MAGI2: variants seen among roughly 807,000 people sequenced by gnomAD.
MAGI2 encodes the protein membrane associated guanylate kinase, WW and PDZ domain containing 2, also known as membrane-associated guanylate kinase, WW and PDZ domain-containing protein 2.
In MAGI2, 35 loss-of-function variants were observed where a neutral mutation model predicts 133.3. The observed-to-expected ratio is 0.26, with a 90% CI of 0.20 to 0.35. The LOEUF is 0.35. Among genes scored for constraint, MAGI2 ranks in the 10% least tolerant of loss-of-function variants. The probability of loss-of-function intolerance (pLI) is 1.00; values close to 1 mark genes in which losing one functional copy is unlikely to be tolerated. For synonymous variants in MAGI2, 729 were observed against 710.6 expected (o/e 1.03, Z -0.41); for missense variants, 1,636 against 1,863.4 (o/e 0.88, Z 2.25).
chr7:78,816,248 A>G (rs933957685), intron 2 of MAGI2, among the ~76,000 whole-genome samples: 2 of 152,184 alleles, frequency 1.3e-5, no homozygotes, highest in Admixed American at 6.5e-5. Context: ...AAGTTGCAGA[A>G]AAGTGTGAAG....
intron 1 of MAGI2, among the ~76,000 whole-genome samples, chr7:79,376,806 AAG>A (rs1843410517): frequency 6.9e-6 from 1 of 145,684 alleles, no homozygotes. Context: ...AACCACAGAT[AAG>A]AGAGGATTTG....
At chr7:78,860,613 C>T (rs1794076485) in intron 2 of MAGI2, among the ~76,000 whole-genome samples, 1 of 152,152 alleles carries the variant, frequency 6.6e-6, no homozygotes, top group Non-Finnish European at 1.5e-5. Flanking sequence ...GAAGCTTCGT[C>T]TCAGAGGGGC....
At chr7:78,877,145 A>G (rs1014962670) in intron 2 of MAGI2, among the ~76,000 whole-genome samples, 3 of 152,208 alleles carry the variant, frequency 2.0e-5, no homozygotes, top group Non-Finnish European at 4.4e-5. Context: ...TCACCTTAGA[A>G]TACACACTTT....
Position 78,125,645 on chromosome 7 carries a change from G to A in MAGI2, c.3567+49C>T, listed in dbSNP as rs372143076. The A allele has an allele frequency of 4.1e-5, 66 of 1,591,840 alleles. No individual in the cohort carries two copies. In the South Asian group the frequency reaches 4.2e-4, roughly 10 times the overall value. The stretch of plus-strand genomic sequence containing the variant: ...TCAGTACTCTTCCAATACCACAGTC[G>A]GTTTTTCTTTCAGAATTAAGCAATT... On this transcript the variant is annotated intron_variant, in intron 20 of 21. Coordinates refer to ENST00000354212, the MANE Select transcript of MAGI2 (RefSeq NM_012301.4).
chr7:79,379,293 A>T, intron 1 of MAGI2, among the ~76,000 whole-genome samples: 1 of 151,892 alleles, frequency 6.6e-6, no homozygotes, highest in African/African-American at 2.4e-5. Context: ...ATAAGAATTC[A>T]TCATTTTTTA....
chr7:78,425,640 A>G (rs538582850), intron 6 of MAGI2, among the ~76,000 whole-genome samples: 1 of 152,354 alleles, frequency 6.6e-6, no homozygotes, highest in Non-Finnish European at 1.5e-5. Flanking sequence ...ATGAATAGTG[A>G]AACCAAAGTC....
chr7:79,311,370 C>T (rs1363170889), intron 1 of MAGI2, among the ~76,000 whole-genome samples: 2 of 152,164 alleles, frequency 1.3e-5, no homozygotes, highest in South Asian at 2.1e-4. Flanking sequence ...ATTCTCATAG[C>T]GTTTTAAGAA....
intron 13 of MAGI2, among the ~76,000 whole-genome samples, chr7:78,179,539 GGT>G (rs1826984373): frequency 6.6e-6 from 1 of 152,146 alleles, no homozygotes; most frequent in South Asian, 2.1e-4. Context: ...TTATTTATCT[GGT>G]GCTCTTTTAA....
chr7:78,573,243 T>TAAATATATATAAAA (rs1285232450), intron 3 of MAGI2, among the ~76,000 whole-genome samples: 1 of 55,498 alleles, frequency 1.8e-5, no homozygotes, highest in Non-Finnish European at 3.0e-5. Flanking sequence ...AATATATATA[T>TAAATATATATAAAA]ATAAATATAT....
intron 10 of MAGI2, among the ~76,000 whole-genome samples, chr7:78,205,353 A>T (rs1370342236): frequency 6.6e-6 from 1 of 150,812 alleles, no homozygotes; most frequent in Non-Finnish European, 1.5e-5. Context: ...GCTGGTCTCA[A>T]ACTCCTGGCT....
chr7:79,139,821 T>A (rs559906613), intron 1 of MAGI2: 1 of 152,334 alleles, frequency 6.6e-6, no homozygotes, highest in East Asian at 1.9e-4. Flanking sequence ...TGGAGCCTAA[T>A]GGTTAATCTC....
At chr7:78,508,659 G>C (rs1265063967) in intron 4 of MAGI2, among the ~76,000 whole-genome samples, 4 of 152,152 alleles carry the variant, frequency 2.6e-5, no homozygotes, top group Non-Finnish European at 5.9e-5. Flanking sequence ...AAATGTGCAT[G>C]TAAGCATGCT....
intron 6 of MAGI2, among the ~76,000 whole-genome samples, chr7:78,467,756 T>TA (rs1247631587): frequency 6.6e-6 from 1 of 152,104 alleles, no homozygotes; most frequent in African/African-American, 2.4e-5. Context: ...TTGTTTACTA[T>TA]AATAACATTT....
intron 9 of MAGI2, among the ~76,000 whole-genome samples, chr7:78,316,856 T>C (rs1787459985): frequency 6.6e-6 from 1 of 152,240 alleles, no homozygotes; most frequent in Non-Finnish European, 1.5e-5. Flanking sequence ...CATGAGCTGA[T>C]AAACCATGAA....
chr7:79,188,514 T>C (rs1827368114), intron 1 of MAGI2, among the ~76,000 whole-genome samples: 1 of 151,844 alleles, frequency 6.6e-6, no homozygotes, highest in African/African-American at 2.4e-5. Context: ...ATTTTCCTTA[T>C]CCAGTCTATC....
chr7:79,389,405 G>A (rs1844441012), intron 1 of MAGI2, among the ~76,000 whole-genome samples: 1 of 152,040 alleles, frequency 6.6e-6, no homozygotes, highest in African/African-American at 2.4e-5. Context: ...ATACTTGAAA[G>A]AGAGAAGACT....
In MAGI2 at chr7:79,235,272, G is replaced by A. The variant is rs534380031; in HGVS notation, c.301+217748C>T. Among the ~76,000 whole-genome samples, 6 of 152,326 alleles carry A rather than the reference G, an allele frequency of 3.9e-5. No individual in the cohort carries two copies. In the South Asian group the frequency reaches 8.3e-4, roughly 21 times the overall value. On this transcript the variant is annotated intron_variant, in intron 1 of 21. Coordinates refer to ENST00000354212, the MANE Select transcript of MAGI2 (RefSeq NM_012301.4). ...GTTTGTCTGTGCCCTGCCCACAGAGGTGGAGCCTAGAGAGGCAGGCAGGCC... is the reference window on the plus strand; with the variant it reads ...GTTTGTCTGTGCCCTGCCCACAGAGATGGAGCCTAGAGAGGCAGGCAGGCC...
In MAGI2 at chr7:79,191,402, C is replaced by CTTTTTTTTTTTTTTTTTTTTT. The variant is rs71095386; in HGVS notation, c.302-184217_302-184197dup. 4.0e-4 allele frequency among the ~76,000 whole-genome samples: 9 copies of CTTTTTTTTTTTTTTTTTTTTT among 22,332 alleles called. 2 individuals are homozygous for CTTTTTTTTTTTTTTTTTTTTT. The highest frequency in any genetic ancestry group is 1.5e-3 in the Admixed American group (2 of 1,326). The allele number at this position is 22,332 out of a possible 152,430, so 14.7% of individuals were successfully genotyped here. On this transcript the variant is annotated intron_variant, in intron 1 of 21. Coordinates refer to ENST00000354212, the MANE Select transcript of MAGI2 (RefSeq NM_012301.4). ...TCTTTTTTTCTTTTTCTTTTTCTTT[C>CTTTTTTTTTTTTTTTTTTTTT]TTTTTTTTTTTTTTTTTTTTTTTTT...
intron 10 of MAGI2, among the ~76,000 whole-genome samples, chr7:78,232,968 G>T (rs1163992389): frequency 1.3e-5 from 2 of 152,170 alleles, no homozygotes; most frequent in Admixed American, 1.3e-4. Context: ...CTGAAACACA[G>T]TAGAGGATCA....
Sources: gnomAD v4.1 joint callset for allele counts (sites outside exome capture counted in the v4.1 genomes callset) on GRCh38, gnomAD v4.1.1 for gene constraint, MANE v1.5 for transcripts, NCBI Gene and HGNC (gene_info 2026-07-23, HGNC 2026-07-21) for gene names.